Variants in IL33 observed in about 807,000 individuals in gnomAD.
IL33 encodes the protein interleukin-33.
Under a neutral mutation model 27.3 loss-of-function variants are expected in IL33, and 37 were observed. The ratio of observed to expected loss-of-function variants is 1.36; its 90% CI spans 1.04 to 1.78. IL33 has a LOEUF of 1.78. Among genes scored for constraint, IL33 ranks in the 40% most tolerant of loss-of-function variants. The pLI, the probability that IL33 is intolerant of heterozygous loss-of-function variation, is 0.00. For missense variants in IL33, 406 were observed against 311.4 expected (o/e 1.30, Z -2.29); for synonymous variants, 132 against 102.9 (o/e 1.28, Z -1.71).
chr9:6,237,920 T>C (rs1282600508), intron 1 of IL33, among the ~76,000 whole-genome samples: 1 of 152,186 alleles, frequency 6.6e-6, no homozygotes, highest in Non-Finnish European at 1.5e-5. Flanking sequence ...TTTAAACTAT[T>C]TTATATACAA....
chr9:6,241,372 G>A (rs953274209), intron 1 of IL33, among the ~76,000 whole-genome samples: 65 of 152,134 alleles, frequency 4.3e-4, no homozygotes, highest in African/African-American at 1.5e-3. Context: ...CCACAAACAC[G>A]CAAGTAATGA....
chr9:6,219,588 G>T (rs1397341641), intron 1 of IL33, among the ~76,000 whole-genome samples: 1 of 152,156 alleles, frequency 6.6e-6, no homozygotes, highest in Non-Finnish European at 1.5e-5. Flanking sequence ...GACCAGCTGT[G>T]TAATTTTGGA....
Position 6,255,974 on chromosome 9 carries a change from A to T in IL33, c.619A>T (p.Lys207Ter). 1.2e-6 allele frequency: 2 copies of T among 1,613,238 alleles called. No individual in the cohort carries two copies. The highest frequency in any genetic ancestry group is 2.2e-5 in the South Asian group (2 of 91,042). Residue 207 changes from lysine (K) to a stop codon, truncating the protein, a stop_gained, in exon 8 of 8, where the codon AAG becomes TAG. Transcript: ENST00000682010. LOFTEE classifies it low-confidence loss of function (END_TRUNC). ...NNKEHSVELHKCEKPLPDQAF... is the reference protein window; with the variant it reads ...NNKEHSVELH ...TTCTCTCTTGTTTCCTCAGCTCCAT[A>T]AGTGTGAAAAACCACTGCCAGACCA...
intron 2 of IL33, among the ~76,000 whole-genome samples, chr9:6,249,121 T>C (rs1816184144): frequency 6.6e-6 from 1 of 152,218 alleles, no homozygotes; most frequent in Non-Finnish European, 1.5e-5. Context: ...TAGAGAGTTC[T>C]AGAGTGGGTG....
chr9:6,239,139 A>C (rs1819390812), intron 1 of IL33, among the ~76,000 whole-genome samples: 1 of 152,210 alleles, frequency 6.6e-6, no homozygotes, highest in African/African-American at 2.4e-5. Context: ...TCAAGCCGCA[A>C]ACATAGAAAA....
In IL33 at chr9:6,251,133, T is replaced by G. The variant is rs757622972; in HGVS notation, c.218-7T>G. ...ATGGTCTATCCCTAATCCCATCCGG[T>G]CTGCAGGTAGAAAGCACAAAAGACA... On this transcript the variant is annotated splice_region_variant and splice_polypyrimidine_tract_variant and intron_variant, in intron 3 of 7. Coordinates refer to ENST00000682010, the MANE Select transcript of IL33 (RefSeq NM_033439.4). The G allele has an allele frequency of 6.2e-7, 1 of 1,613,290 alleles. No homozygotes were observed. Among genetic ancestry groups the G allele is most frequent in the Non-Finnish European group, 8.5e-7 (1 of 1,179,502 alleles).
chr9:6,237,101 A>G (rs753628339), intron 1 of IL33, among the ~76,000 whole-genome samples: 1 of 152,210 alleles, frequency 6.6e-6, no homozygotes, highest in Middle Eastern at 3.2e-3. Context: ...ATTGCTGACT[A>G]CAGGAAACCT....
intron 1 of IL33, among the ~76,000 whole-genome samples, chr9:6,220,137 T>C (rs1818346885): frequency 6.6e-6 from 1 of 152,148 alleles, no homozygotes; most frequent in South Asian, 2.1e-4. Flanking sequence ...TTCTCTTCTG[T>C]AACTTTTTTT....
chr9:6,227,153 G>A (rs959943950), intron 1 of IL33, among the ~76,000 whole-genome samples: 1 of 152,222 alleles, frequency 6.6e-6, no homozygotes, highest in Non-Finnish European at 1.5e-5. Context: ...ATTCCCTTCT[G>A]CCGAGTTTAT....
intron 1 of IL33, among the ~76,000 whole-genome samples, chr9:6,227,363 A>G (rs1234550966): frequency 6.6e-6 from 1 of 152,158 alleles, no homozygotes; most frequent in African/African-American, 2.4e-5. Context: ...CCTCCCATTC[A>G]TGCCCCCTCA....
Position 6,252,910 on chromosome 9 carries a change from A to G in IL33, c.388A>G (p.Asn130Asp). The change falls in exon 5 of 8, where the codon AAT (asparagine) becomes GAT (aspartate). Residue 130 changes from asparagine (N) to aspartate (D), a missense_variant. Transcript: ENST00000682010. Reference sequence around the variant, plus strand: ...GTATCTTGCTTCTCTAAGCACATACAATGATCAATCCATTACTTTTGCTTT... The same window carrying G: ...GTATCTTGCTTCTCTAAGCACATACGATGATCAATCCATTACTTTTGCTTT... ...TEYLASLSTY[N>D]DQSITFALED... 6.2e-7 allele frequency: 1 copy of G among 1,607,850 alleles called. No individual in the cohort carries two copies. Among genetic ancestry groups the G allele is most frequent in the Non-Finnish European group, 8.5e-7 (1 of 1,175,388 alleles).
At chr9:6,223,219 T>C (rs938623440) in intron 1 of IL33, among the ~76,000 whole-genome samples, 3 of 152,172 alleles carry the variant, frequency 2.0e-5, no homozygotes, top group African/African-American at 7.2e-5. Flanking sequence ...TGTCCCACAA[T>C]GACTTAAGGC....
At chr9:6,225,840 A>G (rs1818600516) in intron 1 of IL33, among the ~76,000 whole-genome samples, 2 of 152,030 alleles carry the variant, frequency 1.3e-5, no homozygotes, top group Admixed American at 1.3e-4. Context: ...CTCCTACCTC[A>G]TCCACCTGAG....
At position 6,254,544 on chromosome 9, in the gene IL33, C is replaced by G. The variant is rs35277373; in HGVS notation, c.603C>G (p.His201Gln). Residue 201 changes from histidine (H) to glutamine (Q), a missense_variant, in exon 7 of 8, where the codon CAC (histidine) becomes CAG (glutamine). Transcript: ENST00000682010. ...GGTTGCATGCCAACAACAAGGAACA[C>G]TCTGTGGAGGTAAAAAAAAAAAATT... is the stretch of plus-strand genomic sequence containing the variant. ...DFWLHANNKE[H>Q]SVELHKCEKP... 1,313 of 1,578,566 alleles carry G rather than the reference C, an allele frequency of 8.3e-4. 11 individuals carry two copies. The African/African-American group carries it at 0.017, about 21-fold the overall frequency.
intron 5 of IL33, among the ~76,000 whole-genome samples, 166 bp downstream of exon 5, chr9:6,253,157 A>G (rs911217460): frequency 6.6e-6 from 1 of 152,192 alleles, no homozygotes; most frequent in African/African-American, 2.4e-5. Flanking sequence ...ATCCACTTCT[A>G]TGTCAAGATG....
intron 1 of IL33, among the ~76,000 whole-genome samples, chr9:6,235,468 T>A (rs1272697382): frequency 6.6e-6 from 1 of 152,212 alleles, no homozygotes; most frequent in East Asian, 1.9e-4. Flanking sequence ...AGAGAAAAGG[T>A]ATTTTGAAGC....
chr9:6,254,309 G>C (rs532395426), intron 6 of IL33, among the ~76,000 whole-genome samples, 153 bp from the exon 7 acceptor site: 1 of 152,244 alleles, frequency 6.6e-6, no homozygotes, highest in South Asian at 2.1e-4. Flanking sequence ...AGTGCCTCTT[G>C]AACTTGGGTA....
At chr9:6,243,399 G>T (rs996467508) in intron 2 of IL33, among the ~76,000 whole-genome samples, 1 of 152,126 alleles carries the variant, frequency 6.6e-6, no homozygotes, top group Admixed American at 6.5e-5. Flanking sequence ...TTGTCTCCCA[G>T]GCTGAAGTGC....
At chr9:6,245,817 C>T (rs770038086) in intron 2 of IL33, among the ~76,000 whole-genome samples, 8 of 151,978 alleles carry the variant, frequency 5.3e-5, no homozygotes, top group South Asian at 2.1e-4. Flanking sequence ...AATCCCAGAA[C>T]TTTGGGAGGC....
Sources: allele counts gnomAD v4.1 joint callset (sites outside exome capture counted in the v4.1 genomes callset), GRCh38; gene constraint gnomAD v4.1.1; transcripts MANE v1.5; gene names NCBI Gene and HGNC (gene_info 2026-07-23, HGNC 2026-07-21).